Variants in CSMD1 observed in about 807,000 individuals in gnomAD.
The protein encoded by CSMD1 is CUB and sushi domain-containing protein 1.
A neutral mutation model predicts 417.5 loss-of-function variants in CSMD1; 213 were observed. The ratio of observed to expected loss-of-function variants is 0.51; its 90% CI spans 0.46 to 0.57. The LOEUF (loss-of-function observed/expected upper bound fraction) is 0.57. CSMD1 is among the 20% of genes least tolerant of loss of function. The pLI, the probability that CSMD1 is intolerant of heterozygous loss-of-function variation, is 0.00. For missense variants in CSMD1, 6,923 were observed against 4,529.7 expected (o/e 1.53, Z -15.17); for synonymous variants, 2,862 against 1,736.8 (o/e 1.65, Z -16.11).
At chr8:3,973,299 G>C (rs1190258242) in intron 5 of CSMD1, among the ~76,000 whole-genome samples, 1 of 152,152 alleles carries the variant, frequency 6.6e-6, no homozygotes, top group Non-Finnish European at 1.5e-5. Context: ...CACCTGCCGA[G>C]GGATTTGAAT....
At chr8:3,213,885 T>C (rs1018422038) in intron 30 of CSMD1, among the ~76,000 whole-genome samples, 4 of 150,878 alleles carry the variant, frequency 2.7e-5, no homozygotes, top group African/African-American at 4.9e-5. Flanking sequence ...TGAGATGGAG[T>C]CTTGCTCTGT....
intron 7 of CSMD1, among the ~76,000 whole-genome samples, chr8:3,688,123 G>C (rs987755983): frequency 2.0e-5 from 3 of 152,152 alleles, no homozygotes; most frequent in African/African-American, 7.2e-5. Context: ...TATCTGCTTC[G>C]AAGTAATTGC....
chr8:4,287,116 G>A (rs1412753203), intron 3 of CSMD1, among the ~76,000 whole-genome samples: 2 of 152,154 alleles, frequency 1.3e-5, no homozygotes, highest in South Asian at 4.2e-4. Flanking sequence ...AACAAACAAG[G>A]GTTCTTCAAC....
At chr8:4,762,493 A>T (rs1812177328) in intron 1 of CSMD1, among the ~76,000 whole-genome samples, 1 of 152,192 alleles carries the variant, frequency 6.6e-6, no homozygotes, top group Non-Finnish European at 1.5e-5. Flanking sequence ...ACAGATATCA[A>T]ATTTACATAG....
At chr8:3,161,774 T>C (rs532600341) in intron 38 of CSMD1, among the ~76,000 whole-genome samples, 1 of 152,290 alleles carries the variant, frequency 6.6e-6, no homozygotes, top group African/African-American at 2.4e-5. Flanking sequence ...TGATGACTTA[T>C]ACTGAATGAT....
At chr8:3,442,037 T>C (rs996107195) in intron 12 of CSMD1, among the ~76,000 whole-genome samples, 29 of 151,700 alleles carry the variant, frequency 1.9e-4, no homozygotes, top group African/African-American at 7.0e-4. Context: ...GTGTATTAGT[T>C]TTAAACAAAA....
At chr8:3,677,702 C>T (rs1799448470) in intron 7 of CSMD1, among the ~76,000 whole-genome samples, 1 of 152,172 alleles carries the variant, frequency 6.6e-6, no homozygotes, top group Admixed American at 6.5e-5. Context: ...GTAAATTCCC[C>T]TGTTTTGTTC....
At chr8:4,669,539 G>C (rs536841641) in intron 1 of CSMD1, among the ~76,000 whole-genome samples, 1 of 152,138 alleles carries the variant, frequency 6.6e-6, no homozygotes, top group Non-Finnish European at 1.5e-5. Context: ...ACATATCAAT[G>C]AGAATTTTCA....
rs149532953 is a variant in CSMD1, at chr8:4,833,785, A to G, written c.85+160547T>C. ...ATTCGTTATCTTAGGATATGATCCCATGGAAGGATAGATCAGCTGACTAAA... is the reference window on the plus strand; with the variant it reads ...ATTCGTTATCTTAGGATATGATCCCGTGGAAGGATAGATCAGCTGACTAAA... On this transcript the variant is annotated intron_variant, in intron 1 of 69. Transcript: ENST00000635120. 6.1e-3 allele frequency among the ~76,000 whole-genome samples: 926 copies of G among 152,308 alleles called. 16 individuals carry two copies. The highest frequency in any genetic ancestry group is 0.021 in the African/African-American group (881 of 41,572).
intron 1 of CSMD1, among the ~76,000 whole-genome samples, chr8:4,854,955 G>T (rs1009242267): frequency 6.6e-6 from 1 of 151,190 alleles, no homozygotes; most frequent in African/African-American, 2.4e-5. Context: ...TCCACCTCTG[G>T]GGGCAGGGCA....
At position 3,087,291 on chromosome 8, in the gene CSMD1, G is replaced by A. The variant is rs532518355; in HGVS notation, c.7286-6C>T. 7.4e-6 allele frequency: 12 copies of A among 1,612,608 alleles called. No individual in the cohort carries two copies. In the East Asian group the frequency reaches 2.5e-4, roughly 33 times the overall value. ...GGTCAAACTGCAGTAAGGTGCTGTGGGCAGACAGACACACACAGAAATAAG... is the reference window on the plus strand; with the variant it reads ...GGTCAAACTGCAGTAAGGTGCTGTGAGCAGACAGACACACACAGAAATAAG... On this transcript the variant is annotated splice_polypyrimidine_tract_variant and splice_region_variant and intron_variant, in intron 48 of 69. Coordinates refer to ENST00000635120, the MANE Select transcript of CSMD1 (RefSeq NM_033225.6).
At chr8:4,380,005 C>T (rs563944342) in intron 3 of CSMD1, among the ~76,000 whole-genome samples, 1 of 152,328 alleles carries the variant, frequency 6.6e-6, no homozygotes, top group Admixed American at 6.5e-5. Context: ...GCAGAGAGGA[C>T]TGCTGAAACT....
intron 8 of CSMD1, among the ~76,000 whole-genome samples, chr8:3,591,463 C>G (rs1478947317): frequency 6.6e-6 from 1 of 152,098 alleles, no homozygotes; most frequent in African/African-American, 2.4e-5. Flanking sequence ...TATTTGAGAA[C>G]TTATTAAACA....
intron 3 of CSMD1, among the ~76,000 whole-genome samples, chr8:4,127,554 T>C (rs1256332997): frequency 2.0e-5 from 3 of 152,000 alleles, no homozygotes; most frequent in Non-Finnish European, 4.4e-5. Flanking sequence ...TAGTCAGTTT[T>C]CCTTCCTTTC....
chr8:3,810,945 T>C (rs1416421328), intron 5 of CSMD1, among the ~76,000 whole-genome samples: 1 of 152,216 alleles, frequency 6.6e-6, no homozygotes, highest in Non-Finnish European at 1.5e-5. Context: ...GAAATGGGGA[T>C]AATAACGTTT....
intron 2 of CSMD1, among the ~76,000 whole-genome samples, chr8:4,513,539 G>T (rs973946978): frequency 3.3e-5 from 5 of 152,164 alleles, no homozygotes; most frequent in African/African-American, 1.2e-4. Context: ...CTCGTTTCAT[G>T]AAATCTTCTA....
intron 9 of CSMD1, among the ~76,000 whole-genome samples, chr8:3,578,521 T>C (rs938193310): frequency 1.3e-5 from 2 of 152,190 alleles, no homozygotes; most frequent in African/African-American, 4.8e-5. Flanking sequence ...CCGTGTTGCT[T>C]TGTCGCCTAT....
At chr8:4,220,051 G>T (rs1346089148) in intron 3 of CSMD1, among the ~76,000 whole-genome samples, 2 of 152,080 alleles carry the variant, frequency 1.3e-5, no homozygotes, top group African/African-American at 2.4e-5. Context: ...TCAGGTTTAA[G>T]CAATTCTCGT....
intron 9 of CSMD1, among the ~76,000 whole-genome samples, chr8:3,583,822 T>C (rs1428390174): frequency 6.6e-6 from 1 of 151,870 alleles, no homozygotes; most frequent in Non-Finnish European, 1.5e-5. Flanking sequence ...AACACAAGTA[T>C]TAGGTCCCAG....
Sources: gnomAD v4.1 joint callset for allele counts (sites outside exome capture counted in the v4.1 genomes callset) on GRCh38, gnomAD v4.1.1 for gene constraint, MANE v1.5 for transcripts, NCBI Gene and HGNC (gene_info 2026-07-23, HGNC 2026-07-21) for gene names.